The following CFAP46 variants were observed in gnomAD, a reference collection of about 807,000 sequenced individuals.
CFAP46 encodes cilia and flagella associated protein 46.
In CFAP46, 245 loss-of-function variants were observed where a neutral mutation model predicts 325.7. The observed-to-expected ratio is 0.75, with a 90% confidence interval of 0.68 to 0.84. The LOEUF (loss-of-function observed/expected upper bound fraction) is 0.84, where lower values mean the gene tolerates loss of function less well. Among genes scored for constraint, CFAP46 ranks in the 40% least tolerant of loss-of-function variants. CFAP46 has a pLI of 0.00. For synonymous variants in CFAP46, 1,523 were observed against 1,495.9 expected (o/e 1.02, Z -0.42); for missense variants, 3,346 against 3,543.0 (o/e 0.94, Z 1.41).
chr10:132,887,738 TTCTC>T (rs370882759), intron 25 of CFAP46, among the ~76,000 whole-genome samples: 5 of 82,116 alleles, frequency 6.1e-5, no homozygotes, highest in Non-Finnish European at 1.2e-4. Context: ...CTCTCCCCTC[TTCTC>T]TCTCTCCTCT....
chr10:132,894,990 T>C (rs1329018362), intron 24 of CFAP46, among the ~76,000 whole-genome samples: 1 of 152,216 alleles, frequency 6.6e-6, no homozygotes, highest in Non-Finnish European at 1.5e-5. Flanking sequence ...CAAATCCAGA[T>C]AAAGACATCA....
At chr10:132,916,336 G>T (rs74161930) in intron 17 of CFAP46, among the ~76,000 whole-genome samples, 4,207 of 152,312 alleles carry the variant, frequency 0.028, 177 homozygotes, top group African/African-American at 0.095. Context: ...GGGGTCTTGC[G>T]AGGAACGACG....
intron 54 of CFAP46, 107 bp downstream of exon 54, chr10:132,814,045 G>C: frequency 1.3e-6 from 1 of 782,732 alleles, no homozygotes; most frequent in Non-Finnish European, 2.2e-6. Context: ...GTATGTGGCA[G>C]GACTGGCAGG....
intron 44 of CFAP46, 147 bp from the exon 45 acceptor site, chr10:132,837,061 G>A: frequency 3.2e-6 from 2 of 625,474 alleles, no homozygotes; most frequent in Non-Finnish European, 2.8e-6. Flanking sequence ...CTTGGGGTGG[G>A]GGGCCCTGCT....
chr10:132,912,651 G>T lies in CFAP46; in HGVS notation c.2499+4C>A. 1 of 1,527,390 alleles carries T rather than the reference G, an allele frequency of 6.5e-7. No homozygotes were observed. The allele number at this position is 1,527,390 out of a possible 1,614,324, so 94.6% of individuals were successfully genotyped here. ...TCTCTCTCTCGGCATCATGGAGGTG[G>T]TACCTCCACCGCTGTTTTGATCTCG... On this transcript the variant is annotated splice_donor_region_variant and intron_variant, in intron 19 of 57. Transcript: ENST00000368586.
intron 39 of CFAP46, among the ~76,000 whole-genome samples, chr10:132,855,822 C>T (rs912200751): frequency 2.0e-5 from 3 of 152,172 alleles, no homozygotes; most frequent in East Asian, 3.8e-4. Flanking sequence ...GTTAGAGACC[C>T]CATGCTACAT....
chr10:132,847,849 T>A lies in CFAP46; in HGVS notation c.5953-528A>T, dbSNP rs111566722. 6.6e-6 allele frequency among the ~76,000 whole-genome samples: 1 copy of A among 152,096 alleles called. No individual in the cohort carries two copies. Among genetic ancestry groups the A allele is most frequent in the Non-Finnish European group, 1.5e-5 (1 of 68,024 alleles). Reference sequence around the variant, plus strand: ...GGTATCGCAGCACCAAATCTATATATGCACCCAATGATCAGGCGTCAAAAT... The same window carrying A: ...GGTATCGCAGCACCAAATCTATATAAGCACCCAATGATCAGGCGTCAAAAT... On this transcript the variant is annotated intron_variant, in intron 41 of 57. Transcript: ENST00000368586. This position sits in a 1 kb window ranked among gnomAD's most constrained non-coding sequence, Gnocchi z 5.2.
At position 132,933,834 on chromosome 10, in the gene CFAP46, G is replaced by A. The variant is rs138021348; in HGVS notation, c.866+918C>T. On this transcript the variant is annotated intron_variant, in intron 8 of 57. Transcript: ENST00000368586. ...GGAACCGAGTCCTCTCAACACCCCT[G>A]TGAGCTTGGGGGACCCCTTCCCCAG... Among the ~76,000 whole-genome samples, 123 of 152,350 alleles carry A rather than the reference G, an allele frequency of 8.1e-4. No homozygotes were observed. In the Middle Eastern group the frequency reaches 0.01, roughly 13 times the overall value.
At chr10:132,851,078 G>A in intron 40 of CFAP46, 39 bp downstream of exon 40, 1 of 1,609,954 alleles carries the variant, frequency 6.2e-7, no homozygotes, top group Non-Finnish European at 8.5e-7. Flanking sequence ...CTGTGGCCTG[G>A]CGCTCCCTCC....
At chr10:132,852,125 G>T (rs55669207) in intron 39 of CFAP46, among the ~76,000 whole-genome samples, 6 of 123,822 alleles carry the variant, frequency 4.8e-5, no homozygotes, top group African/African-American at 1.9e-4. Flanking sequence ...ATTTACTTAG[G>T]AATTCTCAGA....
chr10:132,872,887 G>A (rs996473589), intron 31 of CFAP46, 63 bp from the exon 32 acceptor site: 11 of 1,533,806 alleles, frequency 7.2e-6, no homozygotes, highest in Non-Finnish European at 9.7e-6. Flanking sequence ...AAGCATAAGG[G>A]TCTTTCCTCA....
At chr10:132,913,495 T>C (rs941840149) in intron 17 of CFAP46, among the ~76,000 whole-genome samples, 1 of 152,184 alleles carries the variant, frequency 6.6e-6, no homozygotes, top group Non-Finnish European at 1.5e-5. Flanking sequence ...GCGCGAACCC[T>C]ATTGCGATCA....
At chr10:132,816,774 C>G (rs1847703813) in intron 50 of CFAP46, among the ~76,000 whole-genome samples, 2 of 152,178 alleles carry the variant, frequency 1.3e-5, no homozygotes, top group African/African-American at 4.8e-5. Context: ...ATGATCATTT[C>G]ATGTCTTCTG....
chr10:132,922,948 G>C (rs1180375092), intron 11 of CFAP46, among the ~76,000 whole-genome samples: 1 of 152,374 alleles, frequency 6.6e-6, no homozygotes, highest in South Asian at 2.1e-4. Context: ...CACGACGGCA[G>C]CCCCTGGAAG....
intron 17 of CFAP46, among the ~76,000 whole-genome samples, chr10:132,915,537 G>A (rs1230012554): frequency 1.3e-5 from 2 of 152,138 alleles, no homozygotes; most frequent in African/African-American, 4.8e-5. Flanking sequence ...CTGCCCCAAG[G>A]GACCGGCGAG....
At chr10:132,812,188 CGT>C (rs2134752828) in intron 55 of CFAP46, among the ~76,000 whole-genome samples, 1 of 152,326 alleles carries the variant, frequency 6.6e-6, no homozygotes, top group East Asian at 1.9e-4. Context: ...TGGGCCGTGG[CGT>C]GTGACAGGGT....
chr10:132,912,588 TCTCTCTCTC>T, intron 19 of CFAP46, 58 bp downstream of exon 19: 4 of 1,325,532 alleles, frequency 3.0e-6, no homozygotes, highest in Non-Finnish European at 4.0e-6. Flanking sequence ...TCCTCTCCTC[TCTCTCTCTC>T]CTCTCTCCTC....
At chr10:132,885,019 C>T in intron 27 of CFAP46, 84 bp downstream of exon 27, 1 of 1,406,826 alleles carries the variant, frequency 7.1e-7, no homozygotes, top group Non-Finnish European at 9.5e-7. Flanking sequence ...CACACCAGGT[C>T]CCTGCTGAGC....
intron 7 of CFAP46, among the ~76,000 whole-genome samples, chr10:132,935,278 T>C (rs947426253): frequency 6.6e-6 from 1 of 151,534 alleles, no homozygotes; most frequent in Non-Finnish European, 1.5e-5. Context: ...CACTGTGATC[T>C]CCTCACTCCC....
Sources: gnomAD v4.1 joint callset for allele counts (sites outside exome capture counted in the v4.1 genomes callset) on GRCh38, gnomAD v4.1.1 for gene constraint, Gnocchi (gnomAD v3.1) non-coding constraint, MANE v1.5 for transcripts, NCBI Gene and HGNC (gene_info 2026-07-23, HGNC 2026-07-21) for gene names.